Variants in HNF4A observed in about 807,000 individuals in gnomAD.
HNF4A encodes the protein hepatocyte nuclear factor 4-alpha.
HNF4A carries 15 observed loss-of-function variants against 52.4 expected under a neutral mutation model. The observed-to-expected ratio is 0.29, with a 90% CI of 0.19 to 0.44. The LOEUF is 0.44. Among genes scored for constraint, HNF4A ranks in the 20% least tolerant of loss-of-function variants. The pLI is 1.00. For synonymous variants in HNF4A, 280 were observed against 264.4 expected (o/e 1.06, Z -0.57); for missense variants, 479 against 647.2 (o/e 0.74, Z 2.82).
intron 2 of HNF4A, among the ~76,000 whole-genome samples, chr20:44,406,670 C>T (rs1371959204): frequency 6.6e-6 from 1 of 152,218 alleles, no homozygotes; most frequent in African/African-American, 2.4e-5. Context: ...TTCCCAAGGC[C>T]TTGGAGAGCC....
intron 3 of HNF4A, 145 bp from the exon 4 acceptor site, chr20:44,413,549 C>A (rs1377465352): frequency 1.4e-6 from 1 of 702,728 alleles, no homozygotes; most frequent in Admixed American, 2.0e-5. Context: ...GAGTTAGAGG[C>A]CATCTCCCCT....
At chr20:44,414,749 A>C in intron 5 of HNF4A, 87 bp downstream of exon 5, 1 of 1,293,952 alleles carries the variant, frequency 7.7e-7, no homozygotes, top group South Asian at 1.3e-5. Flanking sequence ...ATAGCCGTGG[A>C]CTGGCTTGAT....
At chr20:44,400,364 C>A (rs147218346), upstream of HNF4A, among the ~76,000 whole-genome samples, 1 of 152,136 alleles carries the variant, frequency 6.6e-6, no homozygotes, top group East Asian at 1.9e-4. Flanking sequence ...AGAGGATGGA[C>A]GTCTACCAGG....
intron 1 of HNF4A, among the ~76,000 whole-genome samples, chr20:44,361,913 C>T (rs531100325): frequency 6.6e-6 from 1 of 152,156 alleles, no homozygotes; most frequent in African/African-American, 2.4e-5. Context: ...AAGCTGGAAC[C>T]TCGGTTTAGC....
chr20:44,424,515 C>A, intron 8 of HNF4A: 1 of 1,036,766 alleles, frequency 9.6e-7, no homozygotes, highest in Non-Finnish European at 1.4e-6. Flanking sequence ...GATCTTTGCC[C>A]TCGGGGAGGC....
chr20:44,420,826 T>TAATA (rs934909065), intron 7 of HNF4A, among the ~76,000 whole-genome samples: 1 of 151,458 alleles, frequency 6.6e-6, no homozygotes, highest in African/African-American at 2.4e-5. Context: ...TAAAAAATAA[T>TAATA]AATAAATAAA....
intron 1 of HNF4A, among the ~76,000 whole-genome samples, chr20:44,388,643 T>C (rs1218479409): frequency 6.6e-6 from 1 of 152,078 alleles, no homozygotes; most frequent in African/African-American, 2.4e-5. Flanking sequence ...CTGTGATTGG[T>C]GAAGTCCCTA....
chr20:44,374,334 A>G (rs777006990), intron 1 of HNF4A, among the ~76,000 whole-genome samples: 12 of 151,834 alleles, frequency 7.9e-5, no homozygotes, highest in African/African-American at 2.2e-4. Flanking sequence ...TATTTTTTTG[A>G]CACTGTCCTT....
At chr20:44,404,037 G>A (rs1344080223) in intron 1 of HNF4A, among the ~76,000 whole-genome samples, 1 of 152,182 alleles carries the variant, frequency 6.6e-6, no homozygotes, top group Non-Finnish European at 1.5e-5. Flanking sequence ...AAGTGGAGGG[G>A]GCTGCACTCC....
chr20:44,396,372 C>T (rs1164706425), upstream of HNF4A, among the ~76,000 whole-genome samples: 3 of 152,206 alleles, frequency 2.0e-5, no homozygotes, highest in East Asian at 1.9e-4. Context: ...CAATGTGGTT[C>T]GTAGTGGCAG....
At chr20:44,395,733 A>T (rs1215636494) in intron 1 of HNF4A, 2 of 152,236 alleles carry the variant, frequency 1.3e-5, no homozygotes, top group Non-Finnish European at 2.9e-5. Flanking sequence ...TGGAATTTGA[A>T]ATTTCAAAGG....
At chr20:44,407,807 C>T (rs934882384) in intron 3 of HNF4A, among the ~76,000 whole-genome samples, 3 of 146,350 alleles carry the variant, frequency 2.0e-5, no homozygotes, top group African/African-American at 7.9e-5. Flanking sequence ...TATAATATTT[C>T]GAACGTTAGG....
chr20:44,407,484 C>T lies in HNF4A; in HGVS notation c.385+9C>T, dbSNP rs934955113. The T allele has an allele frequency of 1.2e-5, 18 of 1,563,838 alleles. No homozygotes were observed. The highest frequency in any genetic ancestry group is 5.8e-5 in the South Asian group (5 of 86,554). On this transcript the variant is annotated intron_variant, in intron 3 of 9. Transcript: ENST00000316099. ...TGGCATGAAGAAGGAAGGTGAGCCT[C>T]GGCCCTCCCCGCCCCACCACCACTG...
At chr20:44,388,038 T>A (rs1177223940) in intron 1 of HNF4A, among the ~76,000 whole-genome samples, 1 of 151,938 alleles carries the variant, frequency 6.6e-6, no homozygotes, top group Non-Finnish European at 1.5e-5. Context: ...GGGCTCCAGG[T>A]GTGTCTAACC....
Position 44,418,410 on chromosome 20 carries a change from C to T in HNF4A, c.649-15C>T. ...AAGGGTACAGATGGCAAACACTGTT[C>T]CTTCTCTCTTTCAGGTGGCCCTGCT... On this transcript the variant is annotated splice_polypyrimidine_tract_variant and intron_variant, in intron 5 of 9. Transcript: ENST00000316099. 1.2e-6 allele frequency: 2 copies of T among 1,611,030 alleles called. No individual in the cohort carries two copies. The highest frequency in any genetic ancestry group is 2.2e-5 in the South Asian group (2 of 91,014).
intron 1 of HNF4A, among the ~76,000 whole-genome samples, chr20:44,375,792 A>C (rs1259574105): frequency 6.6e-6 from 1 of 152,228 alleles, no homozygotes; most frequent in African/African-American, 2.4e-5. Flanking sequence ...AATTCTTAAC[A>C]CATGACAATA....
At chr20:44,377,579 A>C (rs571836515) in intron 1 of HNF4A, among the ~76,000 whole-genome samples, 1 of 152,290 alleles carries the variant, frequency 6.6e-6, no homozygotes, top group East Asian at 1.9e-4. Flanking sequence ...CCTGGGCAAC[A>C]TGGTGAAACC....
chr20:44,383,619 T>C lies in HNF4A; in HGVS notation c.50-22439T>C, dbSNP rs547182157. Among the ~76,000 whole-genome samples, 4 of 150,354 alleles carry C rather than the reference T, an allele frequency of 2.7e-5. No individual in the cohort carries two copies. In the East Asian group the frequency reaches 7.9e-4, roughly 30 times the overall value. ...CAGGCTGGAGTGCAGTGGTACAATC[T>C]CAGCTCACTGCAACCTCCGCCTCCT... is the stretch of plus-strand genomic sequence containing the variant. On this transcript the variant is annotated intron_variant, in intron 1 of 9. Coordinates refer to the HNF4A transcript ENST00000316673.
At chr20:44,371,716 T>G (rs1173095634) in intron 1 of HNF4A, among the ~76,000 whole-genome samples, 3 of 152,048 alleles carry the variant, frequency 2.0e-5, no homozygotes, top group Non-Finnish European at 4.4e-5. Flanking sequence ...TCCCAGCTAC[T>G]TAGGAGGCTG....
Sources: gnomAD v4.1 joint callset for allele counts (sites outside exome capture counted in the v4.1 genomes callset) on GRCh38, gnomAD v4.1.1 for gene constraint, MANE v1.5 for transcripts, NCBI Gene and HGNC (gene_info 2026-07-23, HGNC 2026-07-21) for gene names.